THEM5: variants seen among roughly 807,000 people sequenced by gnomAD.
THEM5 encodes thioesterase superfamily member 5, also known as acyl-coenzyme A thioesterase THEM5.
Under a neutral mutation model 24.2 loss-of-function variants are expected in THEM5, and 28 were observed. The ratio of observed to expected loss-of-function variants is 1.16; its 90% CI spans 0.86 to 1.59. The LOEUF (loss-of-function observed/expected upper bound fraction) is 1.59, where lower values mean the gene tolerates loss of function less well. Ranked by LOEUF, THEM5 falls within the 40% of genes most tolerant of loss-of-function variation. The pLI is 0.00. For synonymous variants in THEM5, 87 were observed against 114.5 expected, an observed-to-expected ratio of 0.76 and a Z score of 1.53; for missense variants, 260 against 296.8, an observed-to-expected ratio of 0.88 and a Z score of 0.91.
chr1:151,853,710 T>A lies in THEM5; in HGVS notation c.-145A>T. The stretch of plus-strand genomic sequence containing the variant: ...GCTAGGCGAGGCTGGGCTGGTGTGC[T>A]GCAACACCCACAGATGCTCGGCGCC... On this transcript the variant is annotated 5_prime_UTR_variant, in exon 1 of 6. Transcript: ENST00000368817. 1 of 1,098,852 alleles carries A rather than the reference T, an allele frequency of 9.1e-7. No homozygotes were observed. Among genetic ancestry groups the A allele is most frequent in the Non-Finnish European group, 1.3e-6 (1 of 797,502 alleles). The allele number at this position is 1,098,852 out of a possible 1,614,324, so 68.1% of individuals were successfully genotyped here. A position where few individuals can be genotyped will look rare whatever the true frequency, so the allele number is the denominator to read the frequency against.
intron 1 of THEM5, 136 bp from the exon 2 acceptor site, chr1:151,852,595 G>A: frequency 1.2e-6 from 1 of 815,484 alleles, no homozygotes; most frequent in Non-Finnish European, 1.9e-6. Flanking sequence ...CCAAGGGAAA[G>A]GGCCCATATT....
Position 151,848,299 on chromosome 1 carries a change from G to T in THEM5, c.465-7C>A. On this transcript the variant is annotated splice_region_variant and splice_polypyrimidine_tract_variant and intron_variant, in intron 3 of 5. Coordinates refer to ENST00000368817, the MANE Select transcript of THEM5 (RefSeq NM_182578.4). ...GGACCCGCCGTGAGCAAACCTGGGG[G>T]TGGGGTAAGGTGAGGAGCAAGGCCT... 6.2e-7 allele frequency: 1 copy of T among 1,613,074 alleles called. No individual in the cohort carries two copies. Among genetic ancestry groups the T allele is most frequent in the Non-Finnish European group, 8.5e-7 (1 of 1,179,092 alleles).
chr1:151,853,688 A>G lies in THEM5; in HGVS notation c.-123T>C. ...GTTGCAGGCTTTCTTTCAGAGAGCTAGGCGAGGCTGGGCTGGTGTGCTGCA... is the reference window on the plus strand; with the variant it reads ...GTTGCAGGCTTTCTTTCAGAGAGCTGGGCGAGGCTGGGCTGGTGTGCTGCA... On this transcript the variant is annotated 5_prime_UTR_variant, in exon 1 of 6. Transcript: ENST00000368817. The G allele has an allele frequency of 7.4e-7, 1 of 1,352,568 alleles. No individual in the cohort carries two copies. The highest frequency in any genetic ancestry group is 9.9e-7 in the Non-Finnish European group (1 of 1,014,494). 83.8% of individuals were successfully genotyped at this position (1,352,568 alleles called of 1,614,324 possible).
intron 1 of THEM5, 121 bp downstream of exon 1, chr1:151,853,322 T>A: frequency 7.6e-7 from 1 of 1,308,540 alleles, no homozygotes. Context: ...CCAAATCAAA[T>A]AGCTCCTCCG....
At chr1:151,852,027 G>A (rs1393561691) in intron 2 of THEM5, among the ~76,000 whole-genome samples, 2 of 152,160 alleles carry the variant, frequency 1.3e-5, no homozygotes, top group Non-Finnish European at 2.9e-5. Flanking sequence ...GACATGCTTG[G>A]CTGGGAGCGA....
intron 3 of THEM5, 114 bp from the exon 4 acceptor site, chr1:151,848,406 C>G: frequency 1.3e-6 from 1 of 777,558 alleles, no homozygotes; most frequent in Non-Finnish European, 2.1e-6. Flanking sequence ...TCCCTAGACC[C>G]TTCCAAACAC....
intron 3 of THEM5, among the ~76,000 whole-genome samples, chr1:151,849,337 A>C (rs1220535132): frequency 6.6e-6 from 1 of 152,132 alleles, no homozygotes; most frequent in Non-Finnish European, 1.5e-5. Context: ...TTCAAATAAC[A>C]CCAAGCAGAT....
chr1:151,853,411 A>T (rs765113462), intron 1 of THEM5, 32 bp downstream of exon 1: 2 of 1,604,644 alleles, frequency 1.2e-6, no homozygotes, highest in Admixed American at 3.4e-5. Context: ...TCCTGGGAAA[A>T]CACTGCCCAT....
intron 2 of THEM5, 22 bp downstream of exon 2, chr1:151,852,236 G>C: frequency 6.2e-7 from 1 of 1,610,162 alleles, no homozygotes; most frequent in Non-Finnish European, 8.5e-7. Context: ...TGGGGTGTGT[G>C]TACTCATGGT....
Position 151,847,282 on chromosome 1 carries a change from G to T in THEM5, c.*89C>A. ...GGCAGGGGAGGCAGGAGGCAGGCAG[G>T]GGAGGCAGGAGGCAGGAGGCAGGCA... On this transcript the variant is annotated 3_prime_UTR_variant, in exon 6 of 6. Coordinates refer to ENST00000368817, the MANE Select transcript of THEM5 (RefSeq NM_182578.4). 1 of 136,428 alleles carries T rather than the reference G, an allele frequency of 7.3e-6. No individual in the cohort carries two copies. The highest frequency in any genetic ancestry group is 1.1e-5 in the Non-Finnish European group (1 of 92,192). The allele number at this position is 136,428 out of a possible 1,614,324, so 8.5% of individuals were successfully genotyped here.
chr1:151,851,191 T>A lies in THEM5; in HGVS notation c.326A>T (p.Asp109Val). Residue 109 changes from aspartate to valine, a missense_variant and splice_region_variant, in exon 3 of 6, where the codon GAC (aspartate) becomes GTC (valine). Transcript: ENST00000368817. ...KLPSGLAVSS[D>V]KGDCRIFTRC... Reference sequence around the variant, plus strand: ...GGTGAAGATGCGACAGTCACCTTTGTCTGGGGAGAGATAGGCAGTGTTGCA... The same window carrying A: ...GGTGAAGATGCGACAGTCACCTTTGACTGGGGAGAGATAGGCAGTGTTGCA... The A allele has an allele frequency of 6.2e-7, 1 of 1,614,156 alleles. No homozygotes were observed. The highest frequency in any genetic ancestry group is 8.5e-7 in the Non-Finnish European group (1 of 1,180,018).
At chr1:151,852,631 A>G (rs528089453) in intron 1 of THEM5, among the ~76,000 whole-genome samples, 172 bp from the exon 2 acceptor site, 2 of 150,302 alleles carry the variant, frequency 1.3e-5, no homozygotes, top group East Asian at 2.0e-4. Flanking sequence ...GCGGACCCCT[A>G]TGGGTGACGG....
intron 1 of THEM5, 25 bp from the exon 2 acceptor site, chr1:151,852,484 T>C: frequency 6.2e-7 from 1 of 1,612,392 alleles, no homozygotes; most frequent in Middle Eastern, 1.7e-4. Context: ...TCAGAATGAC[T>C]AGACAGCATC....
At position 151,852,387 on chromosome 1, in the gene THEM5, TG is replaced by T; in HGVS notation, c.195del (p.Asp65GlufsTer3). 1 of 1,614,174 alleles carries T rather than the reference TG, an allele frequency of 6.2e-7. No homozygotes were observed. Among genetic ancestry groups the T allele is most frequent in the Non-Finnish European group, 8.5e-7 (1 of 1,180,022 alleles). On this transcript the variant is annotated frameshift_variant, in exon 2 of 6. Coordinates refer to ENST00000368817, the MANE Select transcript of THEM5 (RefSeq NM_182578.4). LOFTEE classifies it high-confidence loss of function. Reference sequence around the variant, plus strand: ...AGAAATTCTTGGTACAGGCTCAGCATGTCCGAACACCAGCTGGCATTGGGAA... The same window carrying T: ...AGAAATTCTTGGTACAGGCTCAGCATTCCGAACACCAGCTGGCATTGGGAA... Reference protein sequence around the residue: ...YALPNASWCSDMLSLYQEFLE... With the variant: ...YALPNASWCSXMLSLYQEFLE...
Position 151,852,278 on chromosome 1 carries a change from G to C in THEM5, c.305C>G (p.Ser102Cys). 1 of 1,613,808 alleles carries C rather than the reference G, an allele frequency of 6.2e-7. No individual in the cohort carries two copies. The highest frequency in any genetic ancestry group is 1.1e-5 in the South Asian group (1 of 91,070). Residue 102 changes from serine to cysteine, a missense_variant, in exon 2 of 6, where the codon TCT becomes TGT. Physicochemically the swap from Ser to Cys is moderately radical, Grantham distance 112. Coordinates refer to ENST00000368817, the MANE Select transcript of THEM5 (RefSeq NM_182578.4). Reference protein sequence around the residue: ...RDHIRGLKLPSGLAVSSDKGD... With the variant: ...RDHIRGLKLPCGLAVSSDKGD... ...CTTACCTGAGGAAACTGCCAGTCCA[G>C]ATGGGAGCTTGAGTCCCCGGATGTG...
chr1:151,850,101 A>G (rs1653067056), intron 3 of THEM5: 1 of 152,466 alleles, frequency 6.6e-6, no homozygotes, highest in African/African-American at 2.4e-5. Context: ...TGAGGGCTGC[A>G]GTTGGCATCC....
At chr1:151,847,968 T>G in intron 4 of THEM5, 106 bp from the exon 5 acceptor site, 1 of 1,557,146 alleles carries the variant, frequency 6.4e-7, no homozygotes, top group South Asian at 1.2e-5. Context: ...CCTCGAGGAC[T>G]CAGAAGTGGC....
At chr1:151,851,313 C>A in intron 2 of THEM5, 122 bp from the exon 3 acceptor site, 2 of 1,318,614 alleles carry the variant, frequency 1.5e-6, no homozygotes, top group Non-Finnish European at 2.1e-6. Context: ...GACACCAGGT[C>A]CACCCCCAGG....
chr1:151,848,010 A>C (rs1652995833), intron 4 of THEM5, 148 bp from the exon 5 acceptor site: 1 of 1,486,468 alleles, frequency 6.7e-7, no homozygotes, highest in Non-Finnish European at 9.0e-7. Context: ...TCAGCTCCCA[A>C]AGTTGGACAG....
Sources: gnomAD v4.1 joint callset for allele counts (sites outside exome capture counted in the v4.1 genomes callset) on GRCh38, gnomAD v4.1.1 for gene constraint, MANE v1.5 for transcripts, NCBI Gene and HGNC (gene_info 2026-07-23, HGNC 2026-07-21) for gene names.